The following PCDHA4 variants were observed in gnomAD, a reference collection of about 807,000 sequenced individuals.
PCDHA4 encodes the protein protocadherin alpha 4, also known as protocadherin alpha-4.
PCDHA4 carries 49 observed loss-of-function variants against 61.4 expected under a neutral mutation model. The observed-to-expected ratio is 0.80, with a 90% CI of 0.63 to 1.01. PCDHA4 has a LOEUF of 1.01. Among genes scored for constraint, PCDHA4 ranks in the 50% least tolerant of loss-of-function variants. PCDHA4 has a pLI of 0.00. For missense variants in PCDHA4, 1,254 were observed against 1,235.8 expected (o/e 1.01, Z -0.22); for synonymous variants, 590 against 550.3 (o/e 1.07, Z -1.01).
At chr5:140,993,078 A>G (rs1373767899) in intron 3 of PCDHA4, among the ~76,000 whole-genome samples, 2 of 152,212 alleles carry the variant, frequency 1.3e-5, no homozygotes, top group Non-Finnish European at 2.9e-5. Flanking sequence ...GCAGTCTGCA[A>G]TCAGCAGGGC....
chr5:140,823,449 C>T (rs2150125896), intron 1 of PCDHA4: 6 of 1,613,410 alleles, frequency 3.7e-6, no homozygotes, highest in South Asian at 2.2e-5. Context: ...TGGACGAGAA[C>T]GACAACGCGC....
At position 140,966,710 on chromosome 5, in the gene PCDHA4, G is replaced by T. The variant is rs552888876; in HGVS notation, c.2386-12239G>T. The T allele has an allele frequency of 2.9e-6, 4 of 1,391,664 alleles. No individual in the cohort carries two copies. In the South Asian group the frequency reaches 6.5e-5, roughly 23 times the overall value. The allele number at this position is 1,391,664 out of a possible 1,614,324, so 86.2% of individuals were successfully genotyped here. A position where few individuals can be genotyped will look rare whatever the true frequency, so the allele number is the denominator to read the frequency against. On this transcript the variant is annotated intron_variant, in intron 1 of 3. Transcript: ENST00000530339. ...AGGCGGGGCCCGGGCGTGGGGCACG[G>T]CTGGGGAAGCTGCCGCCTCCGGCCC...
rs782644238 is a variant in PCDHA4 at position 140,883,107 on chromosome 5, C to A, written c.2385+73535C>A. ...GGTACAAATGGAGATATAGTTTACT[C>A]ATTTAGAAGGCCTGTATGGCCTGCA... On this transcript the variant is annotated intron_variant, in intron 1 of 3. Transcript: ENST00000530339. 15 of 1,614,064 alleles carry A rather than the reference C, an allele frequency of 9.3e-6. No homozygotes were observed. The East Asian group carries it at 3.1e-4, about 34-fold the overall frequency.
At chr5:140,975,053 A>C (rs2096651589) in intron 1 of PCDHA4, among the ~76,000 whole-genome samples, 1 of 152,144 alleles carries the variant, frequency 6.6e-6, no homozygotes, top group Admixed American at 6.5e-5. Flanking sequence ...GGAAGAATCT[A>C]CTATCGAGCT....
At chr5:140,863,178 C>A (rs1420894530) in intron 1 of PCDHA4, 10 of 736,748 alleles carry the variant, frequency 1.4e-5, no homozygotes, top group Admixed American at 1.3e-4. Context: ...TGACTGCCAC[C>A]GTCACCGTGG....
intron 1 of PCDHA4, among the ~76,000 whole-genome samples, chr5:140,909,441 C>A (rs971678951): frequency 2.6e-5 from 4 of 152,214 alleles, no homozygotes; most frequent in African/African-American, 9.7e-5. Flanking sequence ...AATCCACTGT[C>A]ATTCTCCAAG....
At chr5:140,919,545 T>C (rs572558911) in intron 1 of PCDHA4, among the ~76,000 whole-genome samples, 15 of 152,314 alleles carry the variant, frequency 9.8e-5, no homozygotes, top group African/African-American at 3.6e-4. Flanking sequence ...ACTTTTCATT[T>C]ACTGATTTAT....
chr5:140,883,401 A>C, intron 1 of PCDHA4: 2 of 1,614,108 alleles, frequency 1.2e-6, no homozygotes, highest in Non-Finnish European at 1.7e-6. Flanking sequence ...TCCGATCGTG[A>C]CTCTGGCTCA....
intron 1 of PCDHA4, among the ~76,000 whole-genome samples, chr5:140,910,519 G>T (rs187918127): frequency 4.6e-5 from 7 of 152,218 alleles, no homozygotes; most frequent in African/African-American, 4.8e-5. Flanking sequence ...AAGGATGCAG[G>T]TACTCCCCTC....
chr5:140,968,942 T>C (rs782129541), intron 1 of PCDHA4: 2 of 1,614,214 alleles, frequency 1.2e-6, no homozygotes, highest in South Asian at 2.2e-5. Context: ...AATCATCATT[T>C]TGAGCATCAT....
intron 1 of PCDHA4, chr5:140,966,674 G>A: frequency 7.7e-7 from 1 of 1,295,168 alleles, no homozygotes; most frequent in Non-Finnish European, 1.0e-6. Flanking sequence ...GGCGCAGGGT[G>A]GCACGAGCGG....
At chr5:140,831,386 G>A (rs1185235315) in intron 1 of PCDHA4, among the ~76,000 whole-genome samples, 1 of 151,812 alleles carries the variant, frequency 6.6e-6, no homozygotes, top group East Asian at 1.9e-4. Flanking sequence ...GTGTGACAGG[G>A]TCTTGCTCTG....
intron 1 of PCDHA4, among the ~76,000 whole-genome samples, chr5:140,820,542 A>G (rs1766778252): frequency 1.3e-5 from 2 of 152,044 alleles, no homozygotes; most frequent in Admixed American, 6.5e-5. Flanking sequence ...TCTTCAATAG[A>G]AAACTTGGTG....
intron 1 of PCDHA4, among the ~76,000 whole-genome samples, chr5:140,910,102 A>G (rs1206018595): frequency 2.6e-5 from 4 of 152,184 alleles, no homozygotes; most frequent in African/African-American, 9.7e-5. Context: ...CCTCCCCTTC[A>G]TTTAAGGGAT....
chr5:140,907,517 G>A (rs1174112923), intron 1 of PCDHA4, among the ~76,000 whole-genome samples: 3 of 152,192 alleles, frequency 2.0e-5, no homozygotes, highest in Non-Finnish European at 4.4e-5. Flanking sequence ...TTCCAGTGAG[G>A]ACAAATCGCT....
intron 1 of PCDHA4, chr5:140,822,254 A>G: frequency 6.2e-7 from 1 of 1,614,260 alleles, no homozygotes; most frequent in South Asian, 1.1e-5. Context: ...TCGGATTTGG[A>G]TATTGGAGCA....
chr5:140,869,484 C>A, intron 1 of PCDHA4: 2 of 1,613,948 alleles, frequency 1.2e-6, no homozygotes, highest in Non-Finnish European at 1.7e-6. Flanking sequence ...AGGACATTAA[C>A]GACAACCCGC....
intron 1 of PCDHA4, chr5:140,967,281 C>G: frequency 2.5e-6 from 4 of 1,613,102 alleles, no homozygotes; most frequent in Non-Finnish European, 3.4e-6. Flanking sequence ...ATAGAGAGTG[C>G]GCAGGACCCC....
At position 140,822,842 on chromosome 5, in the gene PCDHA4, T is replaced by C. The variant is rs1554128917; in HGVS notation, c.2385+13270T>C. 3 of 1,614,234 alleles carry C rather than the reference T, an allele frequency of 1.9e-6. No individual in the cohort carries two copies. The South Asian group carries it at 3.3e-5, about 18-fold the overall frequency. On this transcript the variant is annotated intron_variant, in intron 1 of 3. Coordinates refer to ENST00000530339, the MANE Select transcript of PCDHA4 (RefSeq NM_018907.4). The stretch of plus-strand genomic sequence containing the variant: ...GAGATGGCCATAACCACCCTTTTCC[T>C]GCCTGTCAAAGAGGACGCTCCACTC...
Sources: gnomAD v4.1 joint callset for allele counts (sites outside exome capture counted in the v4.1 genomes callset) on GRCh38, gnomAD v4.1.1 for gene constraint, MANE v1.5 for transcripts, NCBI Gene and HGNC (gene_info 2026-07-23, HGNC 2026-07-21) for gene names.